STPG2: variants seen among roughly 807,000 people sequenced by gnomAD.
STPG2 encodes the protein sperm tail PG-rich repeat containing 2.
Under a neutral mutation model 54.2 loss-of-function variants are expected in STPG2, and 56 were observed. The ratio of observed to expected loss-of-function variants is 1.03; its 90% CI spans 0.83 to 1.29. The LOEUF (loss-of-function observed/expected upper bound fraction) is 1.29. Ranked by LOEUF, STPG2 falls within the 50% of genes most tolerant of loss-of-function variation. The pLI is 0.00. For missense variants in STPG2, 596 were observed against 544.9 expected (o/e 1.09, Z -0.93); for synonymous variants, 200 against 181.8 (o/e 1.10, Z -0.81).
chr4:97,617,673 G>C (rs1361425958), intron 10 of STPG2, among the ~76,000 whole-genome samples: 1 of 152,116 alleles, frequency 6.6e-6, no homozygotes, highest in Non-Finnish European at 1.5e-5. Flanking sequence ...AAGATACACA[G>C]ACTATTCCTT....
At chr4:97,697,011 C>T (rs2148993999) in intron 10 of STPG2, among the ~76,000 whole-genome samples, 1 of 152,268 alleles carries the variant, frequency 6.6e-6, no homozygotes, top group Admixed American at 6.5e-5. Flanking sequence ...GCAAGGATTC[C>T]TGTGGAATCA....
chr4:97,500,427 A>G (rs1211080713), intron 4 of STPG2, among the ~76,000 whole-genome samples: 1 of 152,094 alleles, frequency 6.6e-6, no homozygotes, highest in Non-Finnish European at 1.5e-5. Context: ...AATGCCCATT[A>G]GACATCCAAA....
chr4:97,598,275 T>C (rs956711404), intron 10 of STPG2, among the ~76,000 whole-genome samples: 2 of 152,082 alleles, frequency 1.3e-5, no homozygotes, highest in African/African-American at 2.4e-5. Flanking sequence ...TGCTTACTGA[T>C]AGGAAGAATC....
intron 4 of STPG2, among the ~76,000 whole-genome samples, chr4:97,478,464 G>A (rs531586693): frequency 3.3e-5 from 5 of 152,014 alleles, no homozygotes; most frequent in African/African-American, 4.8e-5. Flanking sequence ...AATAATAGAC[G>A]ATCACTGTAA....
intron 10 of STPG2, among the ~76,000 whole-genome samples, chr4:97,703,233 A>G (rs1305215184): frequency 1.3e-5 from 2 of 151,646 alleles, no homozygotes; most frequent in African/African-American, 4.8e-5. Flanking sequence ...TTAGAAGTAG[A>G]ATCTTAGCAT....
intron 10 of STPG2, among the ~76,000 whole-genome samples, chr4:97,614,830 G>C (rs979836767): frequency 6.6e-6 from 1 of 152,084 alleles, no homozygotes; most frequent in Non-Finnish European, 1.5e-5. Context: ...GAAAGTTTTT[G>C]CTCAACTTTA....
chr4:97,851,886 G>A (rs1037294492), intron 8 of STPG2, among the ~76,000 whole-genome samples: 1 of 152,188 alleles, frequency 6.6e-6, no homozygotes. Context: ...GAAATGGCCT[G>A]TATAACCTTT....
At chr4:97,492,670 G>A (rs1214684444) in intron 4 of STPG2, among the ~76,000 whole-genome samples, 6 of 150,858 alleles carry the variant, frequency 4.0e-5, no homozygotes, top group Non-Finnish European at 8.9e-5. Flanking sequence ...TATTTGTGAG[G>A]AGAAATTTGG....
chr4:97,947,807 A>C (rs1361631331), intron 7 of STPG2, among the ~76,000 whole-genome samples: 1 of 152,032 alleles, frequency 6.6e-6, no homozygotes, highest in Non-Finnish European at 1.5e-5. Flanking sequence ...TCAGCTATCT[A>C]GTATTTTGTT....
chr4:97,903,954 C>T (rs544346018), intron 8 of STPG2, among the ~76,000 whole-genome samples: 1 of 152,176 alleles, frequency 6.6e-6, no homozygotes, highest in South Asian at 2.1e-4. Flanking sequence ...GTCCTACGCC[C>T]ACAGAGTCTC....
In STPG2 at chr4:97,926,827, G is replaced by A. The variant is rs917193557; in HGVS notation, c.1044+17070C>T. ...AATAGAATGATGAAAAGAGACCACA[G>A]GCATGAGACTGACTTAGCTTTGAAA... On this transcript the variant is annotated intron_variant, in intron 8 of 10. Transcript: ENST00000295268. Among the ~76,000 whole-genome samples the A allele has an allele frequency of 2.6e-5, 4 of 152,056 alleles. No individual in the cohort carries two copies. In the South Asian group the frequency reaches 6.2e-4, roughly 24 times the overall value.
At chr4:97,924,197 C>CA (rs1732246470) in intron 8 of STPG2, among the ~76,000 whole-genome samples, 1 of 152,190 alleles carries the variant, frequency 6.6e-6, no homozygotes, top group African/African-American at 2.4e-5. Flanking sequence ...TCAGAAGGAA[C>CA]AAACTCCGGA....
At chr4:97,628,039 C>G (rs150119555) in intron 10 of STPG2, among the ~76,000 whole-genome samples, 87 of 152,204 alleles carry the variant, frequency 5.7e-4, no homozygotes, top group Middle Eastern at 3.4e-3. Flanking sequence ...ACCACAGGTT[C>G]GAATGCTAAT....
At chr4:97,767,705 T>A (rs1256891008) in intron 9 of STPG2, among the ~76,000 whole-genome samples, 4 of 152,174 alleles carry the variant, frequency 2.6e-5, no homozygotes, top group Non-Finnish European at 4.4e-5. Context: ...AATGTGTTAT[T>A]TTAATCAGTT....
chr4:97,670,094 A>AAAAT (rs1189169661), intron 10 of STPG2, among the ~76,000 whole-genome samples: 1 of 152,170 alleles, frequency 6.6e-6, no homozygotes, highest in Non-Finnish European at 1.5e-5. Context: ...CTATCCAAGA[A>AAAAT]AAATAAACTT....
intron 2 of STPG2, among the ~76,000 whole-genome samples, chr4:98,130,137 G>A (rs962135269): frequency 6.6e-6 from 1 of 151,666 alleles, no homozygotes; most frequent in African/African-American, 2.4e-5. Flanking sequence ...TGGGATCACA[G>A]GCACGAGCCA....
chr4:97,766,482 C>T (rs1004420823), intron 9 of STPG2, among the ~76,000 whole-genome samples: 2 of 151,952 alleles, frequency 1.3e-5, no homozygotes, highest in Non-Finnish European at 2.9e-5. Flanking sequence ...ATGAAATGAT[C>T]GTCTATTGCA....
intron 9 of STPG2, among the ~76,000 whole-genome samples, chr4:97,839,525 G>T (rs1728736071): frequency 6.6e-6 from 1 of 151,606 alleles, no homozygotes; most frequent in Non-Finnish European, 1.5e-5. Flanking sequence ...GATTGTGCTT[G>T]ATGATGGTGA....
intron 5 of STPG2, among the ~76,000 whole-genome samples, chr4:98,018,088 A>G (rs1013489555): frequency 2.0e-5 from 3 of 152,070 alleles, no homozygotes; most frequent in African/African-American, 7.3e-5. Flanking sequence ...TTACATATGT[A>G]TACATGTGCC....
Sources: allele counts gnomAD v4.1 joint callset (sites outside exome capture counted in the v4.1 genomes callset), GRCh38; gene constraint gnomAD v4.1.1; transcripts MANE v1.5; gene names NCBI Gene and HGNC (gene_info 2026-07-23, HGNC 2026-07-21).